RGS5: variants seen among roughly 807,000 people sequenced by gnomAD.
RGS5 encodes regulator of G-protein signalling 5.
A neutral mutation model predicts 18.9 loss-of-function variants in RGS5; 20 were observed. The ratio of observed to expected loss-of-function variants is 1.06; its 90% CI spans 0.74 to 1.54. The LOEUF is 1.54. RGS5 is among the 40% of genes most tolerant of loss of function. The pLI is 0.00. For missense variants in RGS5, 201 were observed against 211.8 expected (o/e 0.95, Z 0.32); for synonymous variants, 57 against 76.2 (o/e 0.75, Z 1.31).
chr1:163,277,487 T>G (rs1336677042), intron 2 of RGS5, among the ~76,000 whole-genome samples: 3 of 152,202 alleles, frequency 2.0e-5, no homozygotes, highest in African/African-American at 7.2e-5. Context: ...TCCTTTAAAA[T>G]GTAGGACATA....
chr1:163,169,195 T>C (rs1382924026), intron 1 of RGS5, among the ~76,000 whole-genome samples: 1 of 152,136 alleles, frequency 6.6e-6, no homozygotes, highest in Non-Finnish European at 1.5e-5. Flanking sequence ...CATGAACTCA[T>C]CATTTTTTAT....
chr1:163,222,929 G>C (rs996521536), intron 2 of RGS5, among the ~76,000 whole-genome samples: 2 of 151,924 alleles, frequency 1.3e-5, no homozygotes, highest in African/African-American at 4.8e-5. Flanking sequence ...GCATGATCTT[G>C]ACTCACTGCA....
rs1657079876 is a variant in RGS5 at position 163,145,114 on chromosome 1, C to G, written c.*2228G>C. 6.6e-6 allele frequency: 1 copy of G among 152,180 alleles called. No homozygotes were observed. Among genetic ancestry groups the G allele is most frequent in the Non-Finnish European group, 1.5e-5 (1 of 68,040 alleles). The allele number at this position is 152,180 out of a possible 1,614,324, so 9.4% of individuals were successfully genotyped here. ...TCCTGCCCTGTAGGTAAAAGCCCTT[C>G]TTATTTTCCGCTGAGAGGTCTACCC... On this transcript the variant is annotated 3_prime_UTR_variant, in exon 5 of 5. Transcript: ENST00000313961.
intron 1 of RGS5, among the ~76,000 whole-genome samples, chr1:163,190,812 T>C (rs1260779057): frequency 6.6e-6 from 1 of 152,214 alleles, no homozygotes; most frequent in Non-Finnish European, 1.5e-5. Context: ...TACTGACTCA[T>C]GGGCAGTGGC....
chr1:163,172,160 T>TAG (rs1180517610), intron 1 of RGS5, among the ~76,000 whole-genome samples: 1 of 152,180 alleles, frequency 6.6e-6, no homozygotes, highest in East Asian at 1.9e-4. Flanking sequence ...CCCTTCCAGA[T>TAG]AGAGGGATGG....
chr1:163,297,410 A>G (rs1272394782), intron 2 of RGS5, among the ~76,000 whole-genome samples: 2 of 152,166 alleles, frequency 1.3e-5, no homozygotes, highest in Non-Finnish European at 2.9e-5. Context: ...CTGGACCATG[A>G]AGAAAGGTAG....
chr1:163,284,611 A>C (rs998920836), intron 2 of RGS5, among the ~76,000 whole-genome samples: 1 of 152,090 alleles, frequency 6.6e-6, no homozygotes, highest in Non-Finnish European at 1.5e-5. Context: ...GCTTTAGAGA[A>C]TCCTGGGGCC....
intron 2 of RGS5, among the ~76,000 whole-genome samples, chr1:163,236,823 T>C (rs1469919356): frequency 1.3e-5 from 2 of 151,990 alleles, no homozygotes; most frequent in East Asian, 1.9e-4. Flanking sequence ...TAGCTGGGCA[T>C]GGTGGCACAT....
chr1:163,152,600 T>C lies in RGS5; in HGVS notation c.334A>G (p.Lys112Glu), dbSNP rs1334596366. The change falls in exon 4 of 5, where the codon AAG (lysine) becomes GAG (glutamate). Residue 112 changes from lysine to glutamate, a missense_variant. Lys to Glu is a moderately conservative substitution (Grantham distance 56). Coordinates refer to ENST00000313961, the MANE Select transcript of RGS5 (RefSeq NM_003617.4). The part of the protein sequence containing the change: ...KIKSPAKMAE[K>E]AKQIYEEFIQ... The stretch of plus-strand genomic sequence containing the variant: ...AATTCTTCATAAATTTGCTTTGCCT[T>C]CTCAGCCATCTTGGCAGGGGACTTG... 1 of 1,612,846 alleles carries C rather than the reference T, an allele frequency of 6.2e-7. No homozygotes were observed. Among genetic ancestry groups the C allele is most frequent in the African/African-American group, 1.3e-5 (1 of 74,904 alleles).
upstream of RGS5, chr1:163,203,155 C>T (rs1042906497): frequency 9.3e-5 from 22 of 237,478 alleles, no homozygotes; most frequent in Non-Finnish European, 1.7e-4. Flanking sequence ...CTAAACTGTG[C>T]ACAGGTCATT....
At chr1:163,311,911 A>G (rs574935603) in intron 1 of RGS5, among the ~76,000 whole-genome samples, 1 of 152,374 alleles carries the variant, frequency 6.6e-6, no homozygotes, top group African/African-American at 2.4e-5. Context: ...TAATTTGTCA[A>G]AAATGCAGTA....
chr1:163,176,420 G>A (rs1175576142), intron 1 of RGS5, among the ~76,000 whole-genome samples: 3 of 152,108 alleles, frequency 2.0e-5, no homozygotes, highest in African/African-American at 7.2e-5. Flanking sequence ...TTGGGAGTTC[G>A]ACACCAGCCT....
chr1:163,273,561 A>C (rs1648776319), intron 2 of RGS5, among the ~76,000 whole-genome samples: 2 of 151,948 alleles, frequency 1.3e-5, no homozygotes, highest in Admixed American at 1.3e-4. Context: ...TCATTCGATC[A>C]TTGGGGTCAT....
At position 163,262,606 on chromosome 1, in the gene RGS5, C is replaced by T. The variant is rs371071158; in HGVS notation, c.-281+43627G>A. ...AAGTCTTTGCTATTGTGAATAGTGC[C>T]GCAATAAACATACGTGTGCATGTGT... On this transcript the variant is annotated intron_variant, in intron 2 of 5. Transcript: ENST00000618415. 4.2e-3 allele frequency among the ~76,000 whole-genome samples: 472 copies of T among 111,236 alleles called. 2 individuals are homozygous for T. Among genetic ancestry groups the T allele is most frequent in the African/African-American group, 0.015 (433 of 27,970 alleles). The allele number at this position is 111,236 out of a possible 152,430, so 73.0% of individuals were successfully genotyped here.
intron 2 of RGS5, among the ~76,000 whole-genome samples, chr1:163,270,113 T>C (rs1648678168): frequency 6.6e-6 from 1 of 152,124 alleles, no homozygotes; most frequent in Non-Finnish European, 1.5e-5. Flanking sequence ...TATAACTATT[T>C]ACAACTTCAT....
intron 2 of RGS5, among the ~76,000 whole-genome samples, chr1:163,236,241 ACT>A (rs1247535844): frequency 2.6e-5 from 4 of 151,660 alleles, no homozygotes; most frequent in Non-Finnish European, 5.9e-5. Flanking sequence ...CCTCATTGAC[ACT>A]CTCAACCTTC....
chr1:163,292,186 C>T (rs1264335513), intron 2 of RGS5, among the ~76,000 whole-genome samples: 1 of 152,134 alleles, frequency 6.6e-6, no homozygotes, highest in South Asian at 2.1e-4. Context: ...CACCCTCTGA[C>T]AGGCCCCAGT....
In RGS5 at chr1:163,145,370, T is replaced by C. The variant is rs1657090979; in HGVS notation, c.*1972A>G. The C allele has an allele frequency of 1.3e-5, 2 of 152,198 alleles. No homozygotes were observed. Among genetic ancestry groups the C allele is most frequent in the South Asian group, 4.1e-4 (2 of 4,834 alleles). 9.4% of individuals were successfully genotyped at this position (152,198 alleles called of 1,614,324 possible). A position where few individuals can be genotyped will look rare whatever the true frequency, so the allele number is the denominator to read the frequency against. On this transcript the variant is annotated 3_prime_UTR_variant, in exon 5 of 5. Transcript: ENST00000313961. ...GCACCAAGATTTTGGATTTCTAACA[T>C]TTCTGGCTGTATGAGAGAGTAAAGG...
intron 1 of RGS5, among the ~76,000 whole-genome samples, chr1:163,308,169 A>G (rs1649756868): frequency 1.3e-5 from 2 of 152,348 alleles, no homozygotes; most frequent in South Asian, 4.1e-4. Flanking sequence ...GCTACATTTA[A>G]AAAAGTTATT....
Sources: allele counts gnomAD v4.1 joint callset (sites outside exome capture counted in the v4.1 genomes callset), GRCh38; gene constraint gnomAD v4.1.1; transcripts MANE v1.5; gene names NCBI Gene and HGNC (gene_info 2026-07-23, HGNC 2026-07-21).